LCORL: variants seen among roughly 807,000 people sequenced by gnomAD.
LCORL encodes the protein ligand dependent nuclear receptor corepressor like.
A neutral mutation model predicts 141.8 loss-of-function variants in LCORL; 41 were observed. The observed-to-expected ratio is 0.29, with a 90% CI of 0.23 to 0.38. The LOEUF (loss-of-function observed/expected upper bound fraction) is 0.38, where lower values mean the gene tolerates loss of function less well. Ranked by LOEUF, LCORL falls within the 10% of genes least tolerant of loss-of-function variation. The pLI is 1.00. For synonymous variants in LCORL, 618 were observed against 694.1 expected, an observed-to-expected ratio of 0.89 and a Z score of 1.72; for missense variants, 1,759 against 2,035.0, an observed-to-expected ratio of 0.86 and a Z score of 2.61.
chr4:17,994,776 G>T (rs1364468033), intron 1 of LCORL, among the ~76,000 whole-genome samples: 10 of 144,698 alleles, frequency 6.9e-5, no homozygotes, highest in African/African-American at 2.8e-4. Context: ...GGAGTAATAG[G>T]GAAAAAAAAA....
At chr4:17,868,928 A>ACCCAATC (rs1313202720) in intron 7 of LCORL, among the ~76,000 whole-genome samples, 2 of 151,862 alleles carry the variant, frequency 1.3e-5, no homozygotes, top group Non-Finnish European at 2.9e-5. Context: ...TTCCCCAATT[A>ACCCAATC]CCCAATCCCA....
intron 1 of LCORL, among the ~76,000 whole-genome samples, chr4:17,983,878 C>T (rs1718462564): frequency 6.6e-6 from 1 of 152,120 alleles, no homozygotes; most frequent in African/African-American, 2.4e-5. Flanking sequence ...AGCTTTTGCT[C>T]ATTCAGTATG....
chr4:17,939,725 A>G (rs1737519859), intron 4 of LCORL, among the ~76,000 whole-genome samples: 1 of 152,078 alleles, frequency 6.6e-6, no homozygotes, highest in Non-Finnish European at 1.5e-5. Context: ...AGATCCAGTG[A>G]CTTAAAATTC....
At chr4:17,851,079 G>A (rs1723627641) in intron 7 of LCORL, among the ~76,000 whole-genome samples, 1 of 142,422 alleles carries the variant, frequency 7.0e-6, no homozygotes. Context: ...ATTGAACAGT[G>A]AGAACACATG....
At chr4:18,003,659 T>C (rs1722338237) in intron 1 of LCORL, among the ~76,000 whole-genome samples, 1 of 152,074 alleles carries the variant, frequency 6.6e-6, no homozygotes, top group South Asian at 2.1e-4. Context: ...AGGTAACTGG[T>C]AGGGAGATAG....
chr4:17,949,365 A>C (rs1739374539), intron 4 of LCORL, among the ~76,000 whole-genome samples: 1 of 152,118 alleles, frequency 6.6e-6, no homozygotes, highest in Non-Finnish European at 1.5e-5. Flanking sequence ...TGGAAGCATA[A>C]ACCTCAGGTC....
In LCORL at chr4:17,911,223, A is replaced by G. The variant is rs1296304222; in HGVS notation, c.431-1878T>C. Among the ~76,000 whole-genome samples the G allele has an allele frequency of 6.6e-5, 10 of 152,332 alleles. 1 individual carries two copies. In the East Asian group the frequency reaches 1.7e-3, roughly 26 times the overall value. ...CAGTAAATGTTAGCTGTTAGTAGAA[A>G]TAATATGACAAAAAAAAAGATGCAG... On this transcript the variant is annotated intron_variant, in intron 4 of 7. Transcript: ENST00000635767.
exon 8 of LCORL, chr4:17,844,154 A>T (rs1297461367): frequency 6.6e-6 from 1 of 152,040 alleles, no homozygotes; most frequent in Non-Finnish European, 1.5e-5. Flanking sequence ...TGTGGATAAT[A>T]ATTCTAGTGG....
chr4:17,844,079 A>G (rs375485848), exon 8 of LCORL: 1 of 151,986 alleles, frequency 6.6e-6, no homozygotes, highest in Non-Finnish European at 1.5e-5. Context: ...GTGTCAACAT[A>G]AATGTATTAT....
chr4:17,999,548 T>C (rs889500533), intron 1 of LCORL, among the ~76,000 whole-genome samples: 2 of 152,126 alleles, frequency 1.3e-5, no homozygotes, highest in African/African-American at 2.4e-5. Context: ...CTCTTATATG[T>C]GGTCTGTTGT....
At chr4:17,985,327 T>C (rs895887625) in intron 1 of LCORL, among the ~76,000 whole-genome samples, 1 of 152,126 alleles carries the variant, frequency 6.6e-6, no homozygotes, top group African/African-American at 2.4e-5. Context: ...AATATCTTGT[T>C]AATTTTCTCC....
At chr4:17,921,561 T>C (rs1734306689) in intron 4 of LCORL, among the ~76,000 whole-genome samples, 1 of 152,206 alleles carries the variant, frequency 6.6e-6, no homozygotes, top group Non-Finnish European at 1.5e-5. Context: ...TATATCTCCA[T>C]CAGAGCTCTT....
chr4:17,931,160 C>A (rs1735975050), intron 4 of LCORL, among the ~76,000 whole-genome samples: 1 of 151,990 alleles, frequency 6.6e-6, no homozygotes, highest in South Asian at 2.1e-4. Context: ...CTCCCCTTGT[C>A]ATGTCTTGCA....
intron 1 of LCORL, among the ~76,000 whole-genome samples, chr4:18,013,533 T>A (rs16896276): frequency 0.22 from 32,880 of 152,156 alleles, 4,443 homozygotes; most frequent in East Asian, 0.46. Context: ...TAGGTTTCCA[T>A]CTGTAAAAAG....
At chr4:17,999,995 C>T (rs954748351) in intron 1 of LCORL, among the ~76,000 whole-genome samples, 1 of 152,078 alleles carries the variant, frequency 6.6e-6, no homozygotes, top group Non-Finnish European at 1.5e-5. Context: ...GGATAAGATG[C>T]CTGGCACATT....
rs1196571723 is a variant in LCORL at position 17,920,850 on chromosome 4, C to T, written c.431-11505G>A. Among the ~76,000 whole-genome samples, 5 of 152,188 alleles carry T rather than the reference C, an allele frequency of 3.3e-5. No homozygotes were observed. The East Asian group carries it at 9.6e-4, about 29-fold the overall frequency. On this transcript the variant is annotated intron_variant, in intron 4 of 7. Coordinates refer to ENST00000635767, the Ensembl canonical transcript of LCORL. ...GATTGCAGCAATTCAGTCACATCTT[C>T]AGGCTCTACTTCTCTTTCTAGTTCT...
intron 4 of LCORL, among the ~76,000 whole-genome samples, chr4:17,954,845 C>T (rs1349208440): frequency 3.3e-5 from 5 of 152,102 alleles, no homozygotes; most frequent in Non-Finnish European, 7.4e-5. Flanking sequence ...ATGGAAAAAG[C>T]TGGGGAAGGG....
chr4:17,896,758 G>A (rs999085894), intron 5 of LCORL, among the ~76,000 whole-genome samples: 7 of 152,024 alleles, frequency 4.6e-5, no homozygotes, highest in South Asian at 2.1e-4. Flanking sequence ...ATTTTAAAAT[G>A]TACAATTAAA....
At chr4:17,880,146 T>C (rs1727366272) in intron 6 of LCORL, among the ~76,000 whole-genome samples, 1 of 150,970 alleles carries the variant, frequency 6.6e-6, no homozygotes, top group Admixed American at 6.6e-5. Context: ...AAGAACAGCT[T>C]AAAAAAGGTA....
Sources: gnomAD v4.1 joint callset for allele counts (sites outside exome capture counted in the v4.1 genomes callset) on GRCh38, gnomAD v4.1.1 for gene constraint, MANE v1.5 for transcripts, NCBI Gene and HGNC (gene_info 2026-07-23, HGNC 2026-07-21) for gene names.